The following MAGI3 variants were observed in gnomAD, a reference collection of about 807,000 sequenced individuals.
MAGI3 encodes the protein membrane associated guanylate kinase, WW and PDZ domain containing 3.
A neutral mutation model predicts 121.8 loss-of-function variants in MAGI3; 43 were observed. That is an observed-to-expected ratio of 0.35 (90% confidence interval 0.28 to 0.46). MAGI3 has a LOEUF of 0.46. MAGI3 is among the 20% of genes least tolerant of loss of function. The pLI, the probability that MAGI3 is intolerant of heterozygous loss-of-function variation, is 1.00. For synonymous variants in MAGI3, 553 were observed against 639.3 expected (o/e 0.86, Z 2.04); for missense variants, 1,547 against 1,797.3 (o/e 0.86, Z 2.52).
chr1:113,505,082 G>C (rs1657246390), intron 1 of MAGI3, among the ~76,000 whole-genome samples: 3 of 152,070 alleles, frequency 2.0e-5, no homozygotes, highest in African/African-American at 7.2e-5. Flanking sequence ...CATACTCAGT[G>C]GTTAGCATGT....
chr1:113,541,685 A>T (rs550005480), intron 1 of MAGI3, among the ~76,000 whole-genome samples: 19 of 152,360 alleles, frequency 1.2e-4, no homozygotes, highest in African/African-American at 4.6e-4. Context: ...TTGAACACAG[A>T]TGTGGAATAT....
chr1:113,674,306 C>T (rs1647738963), intron 19 of MAGI3, among the ~76,000 whole-genome samples: 2 of 151,040 alleles, frequency 1.3e-5, no homozygotes, highest in East Asian at 2.0e-4. Context: ...GCAGGAGAAT[C>T]ACTTGAACCT....
chr1:113,426,954 CTATA>C (rs113326366), intron 1 of MAGI3, among the ~76,000 whole-genome samples: 1 of 149,458 alleles, frequency 6.7e-6, no homozygotes, highest in Non-Finnish European at 1.5e-5. Flanking sequence ...CTGTATCTAT[CTATA>C]TATATATATA....
intron 6 of MAGI3, among the ~76,000 whole-genome samples, chr1:113,608,472 AT>A (rs1455647411): frequency 3.9e-5 from 6 of 152,284 alleles, no homozygotes; most frequent in Admixed American, 3.9e-4. Flanking sequence ...CTGCATGTAC[AT>A]GGCCTTGCTG....
At chr1:113,532,621 C>T (rs1658779464) in intron 1 of MAGI3, among the ~76,000 whole-genome samples, 1 of 152,048 alleles carries the variant, frequency 6.6e-6, no homozygotes, top group Admixed American at 6.5e-5. Flanking sequence ...CACTTTTTGC[C>T]TACTGGTCCC....
At chr1:113,610,539 C>T (rs1285883345) in intron 6 of MAGI3, among the ~76,000 whole-genome samples, 3 of 152,138 alleles carry the variant, frequency 2.0e-5, no homozygotes, top group African/African-American at 7.2e-5. Context: ...GGATGTTCTA[C>T]AGATCACTCA....
intron 1 of MAGI3, among the ~76,000 whole-genome samples, chr1:113,469,396 T>G (rs974310928): frequency 6.6e-6 from 1 of 152,192 alleles, no homozygotes. Context: ...TGGGCAGTTT[T>G]GGACTTGGGG....
At chr1:113,616,287 G>C (rs1452412167) in intron 7 of MAGI3, among the ~76,000 whole-genome samples, 2 of 152,156 alleles carry the variant, frequency 1.3e-5, no homozygotes, top group Non-Finnish European at 2.9e-5. Flanking sequence ...TTTACAGGAG[G>C]GTTTTGTATT....
At chr1:113,602,999 A>T (rs776503459) in intron 6 of MAGI3, among the ~76,000 whole-genome samples, 8 of 151,904 alleles carry the variant, frequency 5.3e-5, no homozygotes, top group Non-Finnish European at 1.2e-4. Context: ...CATACACAGA[A>T]GATCAAAGAG....
intron 13 of MAGI3, 113 bp downstream of exon 13, chr1:113,649,441 T>C: frequency 3.1e-6 from 2 of 643,728 alleles, no homozygotes; most frequent in East Asian, 2.8e-5. Context: ...TTCATTAATA[T>C]GAAGAATAAC....
chr1:113,644,070 G>A (rs1178339787), intron 11 of MAGI3, among the ~76,000 whole-genome samples: 1 of 152,092 alleles, frequency 6.6e-6, no homozygotes, highest in East Asian at 1.9e-4. Flanking sequence ...CAACCTAGAG[G>A]TCTTTTTACT....
intron 14 of MAGI3, among the ~76,000 whole-genome samples, chr1:113,652,880 T>C (rs568356407): frequency 6.6e-6 from 1 of 152,300 alleles, no homozygotes; most frequent in South Asian, 2.1e-4. Context: ...AGGTGTAGGT[T>C]AATTGGCCAT....
chr1:113,444,725 G>T (rs1289649814), intron 1 of MAGI3, among the ~76,000 whole-genome samples: 2 of 152,234 alleles, frequency 1.3e-5, no homozygotes, highest in South Asian at 2.1e-4. Flanking sequence ...GAAAAGTATG[G>T]CTCATTCCAA....
chr1:113,548,025 G>A (rs1030462615), intron 1 of MAGI3, among the ~76,000 whole-genome samples: 2 of 152,136 alleles, frequency 1.3e-5, no homozygotes, highest in East Asian at 1.9e-4. Flanking sequence ...TGTTAACACC[G>A]TCTTGCATAG....
Position 113,503,783 on chromosome 1 carries a change from T to C in MAGI3, c.317-45732T>C, listed in dbSNP as rs181068628. Among the ~76,000 whole-genome samples the C allele has an allele frequency of 2.3e-3, 344 of 151,980 alleles. 2 individuals are homozygous for C. Among genetic ancestry groups the C allele is most frequent in the African/African-American group, 7.9e-3 (330 of 41,520 alleles). ...TTAGCTTGGTTATTTGTAACAAGAA[T>C]ATAAAAATATATGTGACTGGGAATG... On this transcript the variant is annotated intron_variant, in intron 1 of 20. Coordinates refer to ENST00000307546, the MANE Select transcript of MAGI3 (RefSeq NM_001142782.2).
chr1:113,403,302 T>C (rs1424464211), intron 1 of MAGI3, among the ~76,000 whole-genome samples: 1 of 152,028 alleles, frequency 6.6e-6, no homozygotes, highest in African/African-American at 2.4e-5. Flanking sequence ...GCTGTTAACA[T>C]TGTAACTGCT....
chr1:113,420,856 CTGT>C (rs1652698528), intron 1 of MAGI3, among the ~76,000 whole-genome samples: 1 of 152,078 alleles, frequency 6.6e-6, no homozygotes, highest in South Asian at 2.1e-4. Flanking sequence ...AGTCAAATGT[CTGT>C]ACATGGGGGG....
chr1:113,504,572 T>G (rs190099676), intron 1 of MAGI3, among the ~76,000 whole-genome samples: 1 of 152,252 alleles, frequency 6.6e-6, no homozygotes, highest in African/African-American at 2.4e-5. Flanking sequence ...TACTTTGGCA[T>G]GGGGATGTGG....
chr1:113,461,561 A>T (rs1198267990), intron 1 of MAGI3, among the ~76,000 whole-genome samples: 1 of 152,242 alleles, frequency 6.6e-6, no homozygotes, highest in Admixed American at 6.5e-5. Flanking sequence ...TGCACCATAT[A>T]TAAAAATCAA....
Sources: gnomAD v4.1 joint callset for allele counts (sites outside exome capture counted in the v4.1 genomes callset) on GRCh38, gnomAD v4.1.1 for gene constraint, MANE v1.5 for transcripts, NCBI Gene and HGNC (gene_info 2026-07-23, HGNC 2026-07-21) for gene names.